Variants in LARP1B observed in about 807,000 individuals in gnomAD.
The protein encoded by LARP1B is La ribonucleoprotein 1B.
In LARP1B, 76 loss-of-function variants were observed where a neutral mutation model predicts 114.2. The ratio of observed to expected loss-of-function variants is 0.67; its 90% CI spans 0.55 to 0.81. LARP1B has a LOEUF of 0.81. Among genes scored for constraint, LARP1B ranks in the 30% least tolerant of loss-of-function variants. LARP1B has a pLI of 0.00. For synonymous variants in LARP1B, 345 were observed against 348.0 expected (o/e 0.99, Z 0.10); for missense variants, 1,014 against 1,075.8 (o/e 0.94, Z 0.80).
At chr4:128,159,040 T>C (rs769494369) in intron 11 of LARP1B, among the ~76,000 whole-genome samples, 2 of 151,270 alleles carry the variant, frequency 1.3e-5, no homozygotes, top group Non-Finnish European at 2.9e-5. Flanking sequence ...TAGCCTGTCA[T>C]GGTGGCATGC....
intron 11 of LARP1B, among the ~76,000 whole-genome samples, chr4:128,130,848 A>G (rs887398259): frequency 2.0e-4 from 30 of 152,348 alleles, no homozygotes; most frequent in African/African-American, 6.7e-4. Context: ...TCAGAGCTCA[A>G]AAATGCATGA....
intron 10 of LARP1B, among the ~76,000 whole-genome samples, chr4:128,115,182 C>T (rs942640811): frequency 1.1e-4 from 16 of 152,116 alleles, no homozygotes; most frequent in South Asian, 6.2e-4. Flanking sequence ...ATGATCCGCC[C>T]GCCTCGTCCT....
At chr4:128,176,253 T>TTA (rs1400811993) in intron 12 of LARP1B, among the ~76,000 whole-genome samples, 5 of 137,796 alleles carry the variant, frequency 3.6e-5, no homozygotes, top group Non-Finnish European at 6.1e-5. Flanking sequence ...ATATATACAT[T>TTA]TATATATATA....
At chr4:128,123,744 C>A in intron 11 of LARP1B, 1 of 969,376 alleles carries the variant, frequency 1.0e-6, no homozygotes, top group Non-Finnish European at 1.2e-6. Flanking sequence ...AATATTTGTT[C>A]TGTGGGAAAT....
intron 7 of LARP1B, 149 bp from the exon 8 acceptor site, chr4:128,098,037 C>A: frequency 1.9e-6 from 1 of 525,576 alleles, no homozygotes; most frequent in South Asian, 3.4e-5. Context: ...ATATGTTTAC[C>A]CTATCTGTGT....
In LARP1B at chr4:128,131,657, A is replaced by T. The variant is rs1027453528; in HGVS notation, c.1524+9469A>T. Among the ~76,000 whole-genome samples the T allele has an allele frequency of 4.6e-5, 7 of 152,236 alleles. No homozygotes were observed. The East Asian group carries it at 1.4e-3, about 29-fold the overall frequency. ...TGTGTGAGCCCAGGAGTTTGAGGTT[A>T]CAGTGAGCTGTGATTGTGCCACTGC... is the stretch of plus-strand genomic sequence containing the variant. On this transcript the variant is annotated intron_variant, in intron 11 of 19. Coordinates refer to ENST00000326639, the MANE Select transcript of LARP1B (RefSeq NM_018078.4).
At chr4:128,216,740 G>A (rs1430689973), downstream of LARP1B, among the ~76,000 whole-genome samples, 65 of 151,856 alleles carry the variant, frequency 4.3e-4, no homozygotes, top group South Asian at 1.3e-3. Context: ...AAGAACTAGA[G>A]AAGCAAGAGC....
chr4:128,119,735 T>C (rs932988239), intron 10 of LARP1B, among the ~76,000 whole-genome samples: 1 of 152,212 alleles, frequency 6.6e-6, no homozygotes, highest in African/African-American at 2.4e-5. Flanking sequence ...TTGTTTATTA[T>C]CAATACAATC....
intron 5 of LARP1B, among the ~76,000 whole-genome samples, chr4:128,087,912 A>T (rs957924484): frequency 2.6e-5 from 4 of 151,974 alleles, no homozygotes; most frequent in African/African-American, 9.7e-5. Context: ...CTTTTTTTCT[A>T]TTGTTTTTCA....
intron 1 of LARP1B, among the ~76,000 whole-genome samples, chr4:128,065,330 TCTTTC>T (rs778019603): frequency 1.0e-5 from 1 of 99,840 alleles, no homozygotes; most frequent in African/African-American, 3.9e-5. Context: ...TCTCTCTCTC[TCTTTC>T]CTTTCTTTTC....
At chr4:128,171,068 A>G (rs1410000759) in intron 12 of LARP1B, among the ~76,000 whole-genome samples, 1 of 151,076 alleles carries the variant, frequency 6.6e-6, no homozygotes, top group African/African-American at 2.4e-5. Context: ...GTATTTTACC[A>G]TTTCAATAAG....
chr4:128,190,544 G>A (rs760482487), intron 15 of LARP1B, among the ~76,000 whole-genome samples: 6 of 152,110 alleles, frequency 3.9e-5, no homozygotes, highest in African/African-American at 7.2e-5. Flanking sequence ...GGATCATGGG[G>A]GCACTTATCC....
chr4:128,078,911 C>T (rs947255008), intron 4 of LARP1B, among the ~76,000 whole-genome samples: 13 of 152,076 alleles, frequency 8.5e-5, no homozygotes, highest in African/African-American at 2.9e-4. Flanking sequence ...AGATAGACAA[C>T]GTCCATGGTA....
At position 128,121,899 on chromosome 4, in the gene LARP1B, A is replaced by G. The variant is rs751539205; in HGVS notation, c.1235A>G (p.Asp412Gly). 2 of 1,612,698 alleles carry G rather than the reference A, an allele frequency of 1.2e-6. No individual in the cohort carries two copies. Among genetic ancestry groups the G allele is most frequent in the Non-Finnish European group, 1.7e-6 (2 of 1,179,660 alleles). ...SSEEPEQEELDFLFDEEIEQI... is the reference protein window; with the variant it reads ...SSEEPEQEELGFLFDEEIEQI... ...GAAGAACCAGAACAAGAAGAACTTG[A>G]TTTTTTGTTTGATGAAGAGATTGAA... Residue 412 changes from aspartate to glycine, a missense_variant, in exon 11 of 20, where the codon GAT (aspartate) becomes GGT (glycine). By Grantham distance (94) the Asp-to-Gly change is moderately conservative. Coordinates refer to ENST00000326639, the MANE Select transcript of LARP1B (RefSeq NM_018078.4).
intron 9 of LARP1B, chr4:128,107,792 T>A: frequency 6.5e-7 from 1 of 1,528,502 alleles, no homozygotes; most frequent in Non-Finnish European, 8.7e-7. Flanking sequence ...GTGTTTAGAA[T>A]TTCCAAAAGA....
chr4:128,117,913 CT>C (rs35542391), intron 10 of LARP1B, among the ~76,000 whole-genome samples: 52,538 of 102,520 alleles, frequency 0.51, 11,596 homozygotes, highest in Middle Eastern at 0.73. Flanking sequence ...AACAGAAAAT[CT>C]TTTTTTTTTT....
intron 5 of LARP1B, among the ~76,000 whole-genome samples, chr4:128,089,244 C>G (rs756370795): frequency 8.5e-5 from 13 of 152,052 alleles, no homozygotes; most frequent in Non-Finnish European, 1.8e-4. Flanking sequence ...AACCTTGTCT[C>G]TAGGATTTGC....
chr4:128,081,442 G>A (rs1026556307), intron 4 of LARP1B, among the ~76,000 whole-genome samples: 1 of 144,976 alleles, frequency 6.9e-6, no homozygotes, highest in African/African-American at 2.6e-5. Flanking sequence ...AAGTATTTTG[G>A]TCTGAGGTAG....
chr4:128,096,263 G>T (rs543030602), intron 7 of LARP1B, among the ~76,000 whole-genome samples: 12 of 152,118 alleles, frequency 7.9e-5, no homozygotes, highest in Non-Finnish European at 1.8e-4. Flanking sequence ...AAAGTGCTGG[G>T]ATTACAGGCG....
Sources: allele counts gnomAD v4.1 joint callset (sites outside exome capture counted in the v4.1 genomes callset), GRCh38; gene constraint gnomAD v4.1.1; transcripts MANE v1.5; gene names NCBI Gene and HGNC (gene_info 2026-07-23, HGNC 2026-07-21).